MRPL47: variants seen among roughly 807,000 people sequenced by gnomAD.
MRPL47 encodes the protein large ribosomal subunit protein uL29m.
A neutral mutation model predicts 34.0 loss-of-function variants in MRPL47; 31 were observed. That is an observed-to-expected ratio of 0.91 (90% CI 0.68 to 1.23). The LOEUF (loss-of-function observed/expected upper bound fraction) is 1.23, where lower values mean the gene tolerates loss of function less well. MRPL47 is among the 50% of genes most tolerant of loss of function. The pLI is 0.00. For missense variants in MRPL47, 328 were observed against 285.8 expected (o/e 1.15, Z -1.07); for synonymous variants, 106 against 101.6 (o/e 1.04, Z -0.26).
In MRPL47 at chr3:179,593,666, C is replaced by T. The variant is rs200894856; in HGVS notation, c.533+99G>A. 1.2e-5 allele frequency: 13 copies of T among 1,125,086 alleles called. No homozygotes were observed. The East Asian group carries it at 3.3e-4, about 29-fold the overall frequency. 69.7% of individuals were successfully genotyped at this position (1,125,086 alleles called of 1,614,324 possible). A position where few individuals can be genotyped will look rare whatever the true frequency, so the allele number is the denominator to read the frequency against. ...TTATTAGACATATCTCTAATATTAT[C>T]TCATATGGTACAAATTTTTTTTTAA... On this transcript the variant is annotated intron_variant, in intron 5 of 6. Transcript: ENST00000476781.
chr3:179,596,498 T>C (rs895538302), intron 4 of MRPL47, among the ~76,000 whole-genome samples: 4 of 152,178 alleles, frequency 2.6e-5, no homozygotes, highest in Non-Finnish European at 4.4e-5. Flanking sequence ...GCAGTACATA[T>C]AACCTACTGG....
At chr3:179,601,512 T>C (rs751824582) in intron 3 of MRPL47, among the ~76,000 whole-genome samples, 21 of 152,244 alleles carry the variant, frequency 1.4e-4, no homozygotes, top group Admixed American at 3.3e-4. Flanking sequence ...TACAGTAAAA[T>C]TTCTGAATTC....
At chr3:179,598,397 GACACACAC>G (rs11455585) in intron 4 of MRPL47, among the ~76,000 whole-genome samples, 2 of 102,950 alleles carry the variant, frequency 1.9e-5, no homozygotes, top group Non-Finnish European at 3.7e-5. Context: ...CTGACACACT[GACACACAC>G]ACACACACAC....
At chr3:179,598,811 G>T (rs774801155) in intron 3 of MRPL47, 40 bp from the exon 4 acceptor site, 1 of 1,358,330 alleles carries the variant, frequency 7.4e-7, no homozygotes, top group Admixed American at 1.7e-5. Context: ...CTATTCTGTG[G>T]TTATGTTAAT....
intron 6 of MRPL47, among the ~76,000 whole-genome samples, chr3:179,589,729 A>G (rs902790908): frequency 6.6e-6 from 1 of 152,198 alleles, no homozygotes; most frequent in African/African-American, 2.4e-5. Flanking sequence ...GAGGTCATAG[A>G]AAATTGAGAT....
intron 3 of MRPL47, among the ~76,000 whole-genome samples, chr3:179,600,471 T>G (rs1476935013): frequency 2.6e-5 from 4 of 151,980 alleles, no homozygotes; most frequent in Non-Finnish European, 5.9e-5. Flanking sequence ...TGAAACCCCA[T>G]CTCTACTAAA....
At position 179,588,801 on chromosome 3, in the gene MRPL47, C is replaced by CTT. The variant is rs1718588943; in HGVS notation, c.*69_*70dup. On this transcript the variant is annotated 3_prime_UTR_variant, in exon 7 of 7. Coordinates refer to ENST00000476781, the MANE Select transcript of MRPL47 (RefSeq NM_020409.3). The stretch of plus-strand genomic sequence containing the variant: ...AAAAACAGAATTTCTTTATAAACCA[C>CTT]TTAACATATTTACTCCTGTACACAG... 1 of 1,419,150 alleles carries CTT rather than the reference C, an allele frequency of 7.0e-7. No homozygotes were observed. The allele number at this position is 1,419,150 out of a possible 1,614,324, so 87.9% of individuals were successfully genotyped here.
intron 6 of MRPL47, 26 bp from the exon 7 acceptor site, chr3:179,589,021 A>AT: frequency 6.3e-7 from 1 of 1,582,274 alleles, no homozygotes; most frequent in Non-Finnish European, 8.6e-7. Context: ...CGTAACAGCA[A>AT]TTTATACAAA....
intron 4 of MRPL47, among the ~76,000 whole-genome samples, chr3:179,594,957 A>T (rs1377319876): frequency 6.6e-6 from 1 of 152,230 alleles, no homozygotes; most frequent in African/African-American, 2.4e-5. Flanking sequence ...AGAATCCTCA[A>T]AAAAAGCACA....
At chr3:179,600,134 CA>C (rs1001978124) in intron 3 of MRPL47, among the ~76,000 whole-genome samples, 5 of 148,948 alleles carry the variant, frequency 3.4e-5, no homozygotes, top group African/African-American at 4.9e-5. Context: ...AAAAAAAAAA[CA>C]AAAAAGAGAA....
Position 179,604,615 on chromosome 3 carries a change from C to G in MRPL47, c.10G>C (p.Ala4Pro), listed in dbSNP as rs1301257965. The change falls in exon 1 of 7, where the codon GCC (alanine) becomes CCC (proline). Residue 4 changes from alanine (A) to proline (P), a missense_variant. By Grantham distance (27) the Ala-to-Pro change is conservative. Transcript: ENST00000476781. Reference sequence around the variant, plus strand: ...CTCCTACAAAGAAGGGCCAAACCGGCCGCAGCCATGTTTTCGCATAACTGG... The same window carrying G: ...CTCCTACAAAGAAGGGCCAAACCGGGCGCAGCCATGTTTTCGCATAACTGG... MAAAGLALLCRRVS... is the reference protein window; with the variant it reads MAAPGLALLCRRVS... 6.2e-7 allele frequency: 1 copy of G among 1,614,102 alleles called. No homozygotes were observed. Among genetic ancestry groups the G allele is most frequent in the Non-Finnish European group, 8.5e-7 (1 of 1,180,058 alleles).
chr3:179,601,111 A>C (rs368393699), intron 3 of MRPL47, among the ~76,000 whole-genome samples: 2 of 152,204 alleles, frequency 1.3e-5, no homozygotes, highest in African/African-American at 4.8e-5. Context: ...AAAAGGAGAG[A>C]ATTTTAAATA....
At chr3:179,604,441 A>T in intron 1 of MRPL47, 86 bp downstream of exon 1, 1 of 1,337,836 alleles carries the variant, frequency 7.5e-7, no homozygotes, top group Non-Finnish European at 1.1e-6. Context: ...TCCATTCTTG[A>T]GTTGTTCTCG....
intron 4 of MRPL47, among the ~76,000 whole-genome samples, chr3:179,597,811 A>T (rs1718822742): frequency 6.6e-6 from 1 of 152,010 alleles, no homozygotes; most frequent in Non-Finnish European, 1.5e-5. Context: ...TCCGTCTCAA[A>T]AAAATAAAAT....
At chr3:179,596,429 C>A (rs1234217362) in intron 4 of MRPL47, among the ~76,000 whole-genome samples, 1 of 152,128 alleles carries the variant, frequency 6.6e-6, no homozygotes, top group Non-Finnish European at 1.5e-5. Context: ...AAATTATGGT[C>A]ACTTTCAGCT....
intron 6 of MRPL47, among the ~76,000 whole-genome samples, chr3:179,590,293 C>T (rs1185525891): frequency 2.6e-5 from 4 of 151,372 alleles, no homozygotes; most frequent in Admixed American, 6.6e-5. Context: ...GAGCCGAGAT[C>T]GCACCACTGC....
chr3:179,594,205 A>C (rs558214740), intron 4 of MRPL47, among the ~76,000 whole-genome samples: 279 of 152,308 alleles, frequency 1.8e-3, no homozygotes, highest in Non-Finnish European at 3.4e-3. Context: ...TTATTTCAAA[A>C]CTCAATGAGC....
chr3:179,590,397 G>A (rs1226100487), intron 6 of MRPL47, among the ~76,000 whole-genome samples: 1 of 151,854 alleles, frequency 6.6e-6, no homozygotes, highest in East Asian at 1.9e-4. Flanking sequence ...AGGGACAAAA[G>A]GATCAAACAG....
In MRPL47 at chr3:179,588,940, TTCTC is replaced by T. The variant is rs763041670; in HGVS notation, c.681_684del (p.Lys230GlnfsTer5). ...TTTTTTAAAAGAATTTTTGCTTTCTTTCTCTCTAAATTTTCCTTCCGTGCTTTGA... is the reference window on the plus strand; with the variant it reads ...TTTTTTAAAAGAATTTTTGCTTTCTTTCTAAATTTTCCTTCCGTGCTTTGA... On this transcript the variant is annotated frameshift_variant, in exon 7 of 7. Transcript: ENST00000476781. LOFTEE classifies it high-confidence loss of function. 2.4e-5 allele frequency: 39 copies of T among 1,613,672 alleles called. No homozygotes were observed. In the East Asian group the frequency reaches 4.5e-4, roughly 18 times the overall value.
Sources: allele counts gnomAD v4.1 joint callset (sites outside exome capture counted in the v4.1 genomes callset), GRCh38; gene constraint gnomAD v4.1.1; transcripts MANE v1.5; gene names NCBI Gene and HGNC (gene_info 2026-07-23, HGNC 2026-07-21).